PACRG: variants seen among roughly 807,000 people sequenced by gnomAD.
PACRG encodes parkin coregulated gene protein.
A neutral mutation model predicts 29.7 loss-of-function variants in PACRG; 29 were observed. That is an observed-to-expected ratio of 0.98 (90% CI 0.73 to 1.33). The LOEUF (loss-of-function observed/expected upper bound fraction) is 1.33. Among genes scored for constraint, PACRG ranks in the 40% most tolerant of loss-of-function variants. The pLI, the probability that PACRG is intolerant of heterozygous loss-of-function variation, is 0.00. For missense variants in PACRG, 279 were observed against 316.2 expected (o/e 0.88, Z 0.89); for synonymous variants, 116 against 118.7 (o/e 0.98, Z 0.15).
intron 1 of PACRG, among the ~76,000 whole-genome samples, chr6:162,781,097 C>T (rs1163575471): frequency 6.6e-6 from 1 of 151,730 alleles, no homozygotes; most frequent in Non-Finnish European, 1.5e-5. Flanking sequence ...CATTATAATC[C>T]AATTGCTTAA....
At chr6:163,091,803 A>G (rs1011985954) in intron 4 of PACRG, among the ~76,000 whole-genome samples, 1 of 152,356 alleles carries the variant, frequency 6.6e-6, no homozygotes, top group Non-Finnish European at 1.5e-5. Context: ...AGCTTTAATA[A>G]CATTTTAAGA....
chr6:163,203,339 G>A (rs1295921892), intron 4 of PACRG, among the ~76,000 whole-genome samples: 1 of 152,160 alleles, frequency 6.6e-6, no homozygotes, highest in East Asian at 1.9e-4. Context: ...CTTGAGCCCA[G>A]GAGGCGGAGG....
At chr6:163,299,616 C>G (rs998050696) in intron 4 of PACRG, among the ~76,000 whole-genome samples, 2 of 152,198 alleles carry the variant, frequency 1.3e-5, no homozygotes, top group African/African-American at 4.8e-5. Context: ...GCACGGTGCT[C>G]GTGCCTGTAA....
At chr6:162,818,291 T>C (rs571662859) in intron 2 of PACRG, among the ~76,000 whole-genome samples, 3 of 152,214 alleles carry the variant, frequency 2.0e-5, no homozygotes, top group Non-Finnish European at 1.5e-5. Flanking sequence ...CGATGGAATT[T>C]TAAAAATTGT....
chr6:162,998,430 A>T (rs1260426884), intron 2 of PACRG, among the ~76,000 whole-genome samples: 1 of 152,154 alleles, frequency 6.6e-6, no homozygotes, highest in East Asian at 1.9e-4. Flanking sequence ...TTTTTAAAGG[A>T]TTAATGTGAG....
intron 4 of PACRG, among the ~76,000 whole-genome samples, chr6:163,211,598 C>T (rs1034244998): frequency 2.6e-5 from 4 of 151,988 alleles, no homozygotes; most frequent in Admixed American, 6.6e-5. Context: ...TTGTAATTCT[C>T]GGTATTTAAA....
At chr6:162,785,379 C>T (rs1341594820) in intron 1 of PACRG, among the ~76,000 whole-genome samples, 3 of 152,128 alleles carry the variant, frequency 2.0e-5, no homozygotes, top group Non-Finnish European at 4.4e-5. Flanking sequence ...CTAAAAAAGC[C>T]TTCCCTTAAT....
chr6:163,066,003 T>C (rs937501872), intron 3 of PACRG, among the ~76,000 whole-genome samples: 1 of 152,134 alleles, frequency 6.6e-6, no homozygotes, highest in African/African-American at 2.4e-5. Flanking sequence ...GCGACAGGAA[T>C]AGCAATCATA....
intron 2 of PACRG, among the ~76,000 whole-genome samples, chr6:162,931,388 A>C (rs1019285850): frequency 6.6e-6 from 1 of 151,860 alleles, no homozygotes; most frequent in Non-Finnish European, 1.5e-5. Flanking sequence ...TATATAAAAA[A>C]AAATTTGCCT....
chr6:163,272,889 A>ATTATTTTTTTTTTT (rs1301093605), intron 4 of PACRG, among the ~76,000 whole-genome samples: 1 of 117,394 alleles, frequency 8.5e-6, no homozygotes. Context: ...ATGATGCATC[A>ATTATTTTTTTTTTT]TTCTTTTTTT....
intron 2 of PACRG, among the ~76,000 whole-genome samples, chr6:163,028,833 T>A (rs1362031902): frequency 3.3e-5 from 5 of 152,228 alleles, no homozygotes; most frequent in Admixed American, 3.3e-4. Flanking sequence ...AATTTTCTTA[T>A]AAATTTGTTG....
intron 2 of PACRG, among the ~76,000 whole-genome samples, chr6:163,019,800 G>A (rs1369626402): frequency 6.6e-6 from 1 of 152,204 alleles, no homozygotes; most frequent in Non-Finnish European, 1.5e-5. Context: ...TTACCTGTCT[G>A]TGTTAATGAG....
At chr6:163,009,873 G>A (rs887055287) in intron 2 of PACRG, among the ~76,000 whole-genome samples, 1 of 152,146 alleles carries the variant, frequency 6.6e-6, no homozygotes, top group South Asian at 2.1e-4. Context: ...TTTTTTATGA[G>A]ATTTGCATTC....
At chr6:163,237,375 C>T (rs911678371) in intron 4 of PACRG, among the ~76,000 whole-genome samples, 1 of 152,108 alleles carries the variant, frequency 6.6e-6, no homozygotes, top group Non-Finnish European at 1.5e-5. Flanking sequence ...ACACAGTCTT[C>T]TGTAAATGGA....
rs4516927 is a variant in PACRG, at chr6:162,749,279, A to G, written c.156+20888A>G. ...GTATGTTTATCTCATTTGGCTAAAT[A>G]TCTGAAAGTGGACTAGCTGCACCGA... On this transcript the variant is annotated intron_variant, in intron 1 of 4. Coordinates refer to ENST00000366888, the MANE Select transcript of PACRG (RefSeq NM_001080379.2). Among the ~76,000 whole-genome samples, 1,383 of 152,308 alleles carry G rather than the reference A, an allele frequency of 9.1e-3. 8 individuals carry two copies. Among genetic ancestry groups the G allele is most frequent in the Non-Finnish European group, 0.014 (967 of 68,034 alleles).
intron 4 of PACRG, among the ~76,000 whole-genome samples, chr6:163,098,864 A>T (rs1044440344): frequency 1.3e-5 from 2 of 152,126 alleles, no homozygotes; most frequent in African/African-American, 4.8e-5. Flanking sequence ...TAACTTCCTG[A>T]TGTTGCTGTG....
At position 162,773,494 on chromosome 6, in the gene PACRG, A is replaced by ATTTTTTTTTTT. The variant is rs71008110; in HGVS notation, c.157-40632_157-40622dup. Among the ~76,000 whole-genome samples the ATTTTTTTTTTT allele has an allele frequency of 2.9e-4, 19 of 66,024 alleles. 3 individuals are homozygous for ATTTTTTTTTTT. Among genetic ancestry groups the ATTTTTTTTTTT allele is most frequent in the East Asian group, 1.3e-3 (2 of 1,594 alleles). 43.3% of individuals were successfully genotyped at this position (66,024 alleles called of 152,430 possible). On this transcript the variant is annotated intron_variant, in intron 1 of 4. Transcript: ENST00000366888. ...ATATTTGGTATTTTTACAGCTTGTC[A>ATTTTTTTTTTT]TTTTTTTTTTTTTTTTTTTTTTTTT...
At position 162,897,255 on chromosome 6, in the gene PACRG, A is replaced by G. The variant is rs559266719; in HGVS notation, c.291+82974A>G. Among the ~76,000 whole-genome samples the G allele has an allele frequency of 4.3e-4, 66 of 152,374 alleles. 1 individual carries two copies. The South Asian group carries it at 5.2e-3, about 12-fold the overall frequency. On this transcript the variant is annotated intron_variant, in intron 2 of 4. Transcript: ENST00000366888. ...AGTAACTTTTTCAAACTTCAGTACT[A>G]AAAGAGAAATTTAGATCAACTATGC... is the stretch of plus-strand genomic sequence containing the variant.
intron 4 of PACRG, among the ~76,000 whole-genome samples, chr6:163,250,670 C>T (rs1406052004): frequency 6.6e-6 from 1 of 152,082 alleles, no homozygotes; most frequent in Non-Finnish European, 1.5e-5. Context: ...TGGGTATCTA[C>T]CCAGAGGGAA....
Sources: gnomAD v4.1 joint callset for allele counts (sites outside exome capture counted in the v4.1 genomes callset) on GRCh38, gnomAD v4.1.1 for gene constraint, MANE v1.5 for transcripts, NCBI Gene and HGNC (gene_info 2026-07-23, HGNC 2026-07-21) for gene names.